MEIG1: variants seen among roughly 807,000 people sequenced by gnomAD.
The protein encoded by MEIG1 is meiosis/spermiogenesis associated 1.
MEIG1 carries 12 observed loss-of-function variants against 11.3 expected under a neutral mutation model. The ratio of observed to expected loss-of-function variants is 1.07; its 90% confidence interval spans 0.68 to 1.73. The LOEUF (loss-of-function observed/expected upper bound fraction) is 1.73, where lower values mean the gene tolerates loss of function less well. Among genes scored for constraint, MEIG1 ranks in the 40% most tolerant of loss-of-function variants. The probability of loss-of-function intolerance (pLI) is 0.00; values close to 1 mark genes in which losing one functional copy is unlikely to be tolerated. For missense variants in MEIG1, 119 were observed against 104.9 expected (o/e 1.13, Z -0.59); for synonymous variants, 41 against 33.2 (o/e 1.24, Z -0.81).
At chr10:14,974,182 G>A (rs1048815556), downstream of MEIG1, among the ~76,000 whole-genome samples, 6 of 152,196 alleles carry the variant, frequency 3.9e-5, no homozygotes, top group African/African-American at 1.2e-4. Flanking sequence ...CCATCTGGGG[G>A]TTGGTTCCTG....
upstream of MEIG1, among the ~76,000 whole-genome samples, chr10:14,954,606 A>G (rs1183238455): frequency 6.6e-6 from 1 of 152,202 alleles, no homozygotes; most frequent in Non-Finnish European, 1.5e-5. Context: ...TATAATCTAC[A>G]AACTGAATAA....
rs1843055060 is a variant in MEIG1 at position 14,964,581 on chromosome 10, GTGTGTA to G, written c.-29-1857_-29-1852del. Among the ~76,000 whole-genome samples the G allele has an allele frequency of 1.1e-4, 9 of 81,798 alleles. No homozygotes were observed. The South Asian group carries it at 4.1e-3, about 37-fold the overall frequency. The allele number at this position is 81,798 out of a possible 152,430, so 53.7% of individuals were successfully genotyped here. A position where few individuals can be genotyped will look rare whatever the true frequency, so the allele number is the denominator to read the frequency against. ...TATATAAGAGTGTGTGTGTGTGTGT[GTGTGTA>G]TATATATATATATATATATATACAC... On this transcript the variant is annotated intron_variant, in intron 1 of 2. Coordinates refer to ENST00000407572, the MANE Select transcript of MEIG1 (RefSeq NM_001080836.3).
chr10:14,968,201 T>C (rs755142638), intron 2 of MEIG1, among the ~76,000 whole-genome samples: 3 of 152,186 alleles, frequency 2.0e-5, no homozygotes, highest in Admixed American at 6.5e-5. Context: ...TAAAAGTACA[T>C]AGGAGGCTGG....
intron 1 of MEIG1, among the ~76,000 whole-genome samples, chr10:14,982,550 C>T (rs1321132665): frequency 2.0e-5 from 3 of 151,882 alleles, no homozygotes; most frequent in Non-Finnish European, 4.4e-5. Context: ...ATTGTTTTCC[C>T]AGTTGAGAAG....
upstream of MEIG1, among the ~76,000 whole-genome samples, chr10:14,956,768 T>C (rs1220114836): frequency 6.6e-6 from 1 of 151,922 alleles, no homozygotes; most frequent in African/African-American, 2.4e-5. Context: ...GTGAGCAAAG[T>C]AGACAAAAAA....
At chr10:14,965,486 C>T (rs1843069476) in intron 1 of MEIG1, among the ~76,000 whole-genome samples, 1 of 152,140 alleles carries the variant, frequency 6.6e-6, no homozygotes, top group South Asian at 2.1e-4. Flanking sequence ...ACACAGTGTG[C>T]ATGGAATCTG....
At chr10:14,978,397 T>C (rs1466857385) in intron 1 of MEIG1, among the ~76,000 whole-genome samples, 1 of 151,964 alleles carries the variant, frequency 6.6e-6, no homozygotes, top group Non-Finnish European at 1.5e-5. Flanking sequence ...AGTAACATCC[T>C]AGGGGAATAT....
At chr10:14,966,270 G>C (rs996538695) in intron 1 of MEIG1, among the ~76,000 whole-genome samples, 170 bp from the exon 2 acceptor site, 3 of 151,738 alleles carry the variant, frequency 2.0e-5, no homozygotes, top group Non-Finnish European at 4.4e-5. Flanking sequence ...CACCATGTTG[G>C]CCAGGCTGGT....
At chr10:14,976,865 C>A (rs1158610779), downstream of MEIG1, among the ~76,000 whole-genome samples, 1 of 151,990 alleles carries the variant, frequency 6.6e-6, no homozygotes, top group East Asian at 1.9e-4. Context: ...AATATCCTAG[C>A]AGGAGTTCAC....
downstream of MEIG1, among the ~76,000 whole-genome samples, chr10:14,977,574 G>A (rs1843222527): frequency 6.6e-6 from 1 of 151,618 alleles, no homozygotes; most frequent in African/African-American, 2.4e-5. Flanking sequence ...AAATATCCCA[G>A]TGGGTGTACA....
At chr10:14,955,465 A>C (rs2131249285), upstream of MEIG1, among the ~76,000 whole-genome samples, 4 of 151,976 alleles carry the variant, frequency 2.6e-5, 1 homozygote, top group Middle Eastern at 0.01. Context: ...AGCACTTTGG[A>C]GGGCTGAGGC....
At chr10:14,956,888 C>G (rs1211518149), upstream of MEIG1, among the ~76,000 whole-genome samples, 4 of 152,108 alleles carry the variant, frequency 2.6e-5, no homozygotes, top group East Asian at 7.7e-4. Context: ...AACCCCAGCT[C>G]TACTAAAGAT....
chr10:14,974,642 T>A (rs1269828659), downstream of MEIG1, among the ~76,000 whole-genome samples: 1 of 152,084 alleles, frequency 6.6e-6, no homozygotes, highest in Non-Finnish European at 1.5e-5. Context: ...CTATCAATAT[T>A]AATAACTGAT....
chr10:14,977,158 T>C (rs1843218086), downstream of MEIG1, among the ~76,000 whole-genome samples: 1 of 151,976 alleles, frequency 6.6e-6, no homozygotes, highest in Non-Finnish European at 1.5e-5. Context: ...CAGCCTGTGA[T>C]AGTATTCATA....
chr10:14,968,882 C>T (rs1417257616), intron 2 of MEIG1, among the ~76,000 whole-genome samples: 1 of 151,982 alleles, frequency 6.6e-6, no homozygotes, highest in Non-Finnish European at 1.5e-5. Flanking sequence ...AGTTTGAGAC[C>T]AGCCTGACCA....
downstream of MEIG1, among the ~76,000 whole-genome samples, chr10:14,975,507 C>T (rs1405518701): frequency 3.3e-5 from 5 of 151,846 alleles, no homozygotes; most frequent in African/African-American, 1.2e-4. Context: ...AACCCGTGTA[C>T]TATTGTTGCT....
intron 1 of MEIG1, among the ~76,000 whole-genome samples, chr10:14,960,985 C>CG (rs200370005): frequency 0.014 from 2,070 of 152,170 alleles, 16 homozygotes; most frequent in South Asian, 0.032. Flanking sequence ...GACAAGATCA[C>CG]GCCATGGCGC....
chr10:14,974,250 C>G (rs1843187123), downstream of MEIG1, among the ~76,000 whole-genome samples: 1 of 152,168 alleles, frequency 6.6e-6, no homozygotes, highest in African/African-American at 2.4e-5. Flanking sequence ...GCATATTCCT[C>G]TAGCCACTTA....
intron 1 of MEIG1, among the ~76,000 whole-genome samples, chr10:14,979,583 A>T (rs1843244720): frequency 6.6e-6 from 1 of 151,980 alleles, no homozygotes; most frequent in Admixed American, 6.6e-5. Context: ...TTTTAAAATC[A>T]CAGGGGCTGT....
Sources: gnomAD v4.1 joint callset for allele counts (sites outside exome capture counted in the v4.1 genomes callset) on GRCh38, gnomAD v4.1.1 for gene constraint, MANE v1.5 for transcripts, NCBI Gene and HGNC (gene_info 2026-07-23, HGNC 2026-07-21) for gene names.